DNAH17: variants seen among roughly 807,000 people sequenced by gnomAD.
The protein encoded by DNAH17 is dynein axonemal heavy chain 17.
In DNAH17, 376 loss-of-function variants were observed where a neutral mutation model predicts 485.6. The observed-to-expected ratio is 0.77, with a 90% CI of 0.71 to 0.84. The LOEUF is 0.84. Among genes scored for constraint, DNAH17 ranks in the 40% least tolerant of loss-of-function variants. The pLI is 0.00. For synonymous variants in DNAH17, 3,031 were observed against 2,405.9 expected (o/e 1.26, Z -7.60); for missense variants, 6,370 against 5,839.3 (o/e 1.09, Z -2.96).
At chr17:78,523,528 A>T (rs1036303540) in intron 25 of DNAH17, among the ~76,000 whole-genome samples, 39 of 151,992 alleles carry the variant, frequency 2.6e-4, no homozygotes, top group African/African-American at 9.4e-4. Context: ...AACTTAAAAA[A>T]AGTCAATTGG....
At chr17:78,473,668 C>T (rs556002528) in intron 54 of DNAH17, among the ~76,000 whole-genome samples, 5 of 151,806 alleles carry the variant, frequency 3.3e-5, no homozygotes, top group Non-Finnish European at 5.9e-5. Context: ...AAAATAGTAC[C>T]GCTGAGGCTG....
intron 20 of DNAH17, among the ~76,000 whole-genome samples, chr17:78,531,309 G>A (rs1223467350): frequency 3.4e-5 from 5 of 146,030 alleles, no homozygotes; most frequent in Non-Finnish European, 7.5e-5. Context: ...TCTTGGTCTC[G>A]TTTTACTGTT....
intron 54 of DNAH17, among the ~76,000 whole-genome samples, chr17:78,470,987 A>G (rs912058720): frequency 1.3e-5 from 2 of 152,190 alleles, no homozygotes; most frequent in Middle Eastern, 3.2e-3. Context: ...TGAATATGCC[A>G]TTTCCATGTA....
In DNAH17 at chr17:78,514,135, T is replaced by C. The variant is rs1369444611; in HGVS notation, c.4113+639A>G. On this transcript the variant is annotated intron_variant, in intron 26 of 80. Coordinates refer to ENST00000389840, the MANE Select transcript of DNAH17 (RefSeq NM_173628.4). ...CCAAACTTCCTGAGCCTTATGAACATGCAACCTACAACCAGAACGGCCTAC... is the reference window on the plus strand; with the variant it reads ...CCAAACTTCCTGAGCCTTATGAACACGCAACCTACAACCAGAACGGCCTAC... 2.6e-5 allele frequency among the ~76,000 whole-genome samples: 4 copies of C among 152,122 alleles called. No individual in the cohort carries two copies. The East Asian group carries it at 7.7e-4, about 29-fold the overall frequency.
Position 78,444,769 on chromosome 17 carries a change from T to G in DNAH17, c.11363A>C (p.Asn3788Thr). Reference protein sequence around the residue: ...KALSEMDEFKNLDSDIEGSAK... With the variant: ...KALSEMDEFKTLDSDIEGSAK... The stretch of plus-strand genomic sequence containing the variant: ...AGATCCTTCGATGTCACTGTCCAGA[T>G]TTTTGAACTCATCCATCTCCGAGAG... The change falls in exon 71 of 81, where the codon AAT (asparagine) becomes ACT (threonine). Residue 3788 changes from asparagine to threonine, a missense_variant. Transcript: ENST00000389840. 6.3e-7 allele frequency: 1 copy of G among 1,588,242 alleles called. No homozygotes were observed. The highest frequency in any genetic ancestry group is 8.5e-7 in the Non-Finnish European group (1 of 1,169,758).
chr17:78,451,619 G>C lies in DNAH17; in HGVS notation c.10584C>G (p.Ile3528Met), dbSNP rs1421496468. The C allele has an allele frequency of 1.2e-6, 2 of 1,603,884 alleles. No individual in the cohort carries two copies. Among genetic ancestry groups the C allele is most frequent in the Non-Finnish European group, 1.7e-6 (2 of 1,175,322 alleles). The change falls in exon 66 of 81, where the codon ATC becomes ATG. Residue 3528 changes from isoleucine to methionine, a missense_variant. By Grantham distance (10) the Ile-to-Met change is conservative. Transcript: ENST00000389840. ...GTGGGTTGAAGTACTTGGTGTGTAG[G>C]ATCAGGCGGAACTTGGGGTGGTACT... ...EVEYHPKFRLILHTKYFNPHY... is the reference protein window; with the variant it reads ...EVEYHPKFRLMLHTKYFNPHY...
chr17:78,460,122 A>G, intron 59 of DNAH17, 40 bp downstream of exon 59: 1 of 1,581,230 alleles, frequency 6.3e-7, no homozygotes, highest in Non-Finnish European at 8.6e-7. Flanking sequence ...CTTCCTCTCC[A>G]ACCAGGCCAG....
Position 78,505,392 on chromosome 17 carries a change from C to T in DNAH17, c.4857G>A (p.Arg1619=), listed in dbSNP as rs1301522079. Residue 1619 remains arginine (R), a synonymous_variant, in exon 31 of 81, where the codon CGG becomes CGA. Coordinates refer to ENST00000389840, the MANE Select transcript of DNAH17 (RefSeq NM_173628.4). ...LFDSLCKLKF[R]LDASDKPLKV... ...TGAGAGGTTTGTCACTGGCATCGAG[C>T]CGGAACTTCAGTTTACACAGGCTAT... The T allele has an allele frequency of 6.2e-7, 1 of 1,613,858 alleles. No individual in the cohort carries two copies. Among genetic ancestry groups the T allele is most frequent in the Non-Finnish European group, 8.5e-7 (1 of 1,179,884 alleles).
chr17:78,564,564 G>T (rs556747759), intron 11 of DNAH17, among the ~76,000 whole-genome samples: 6 of 151,942 alleles, frequency 3.9e-5, no homozygotes, highest in African/African-American at 1.2e-4. Context: ...ACCCTTCTGC[G>T]CTGGGGCAGT....
At chr17:78,429,076 C>G in intron 76 of DNAH17, 45 bp downstream of exon 76, 1 of 1,585,502 alleles carries the variant, frequency 6.3e-7, no homozygotes, top group Non-Finnish European at 8.6e-7. Flanking sequence ...CCGGGAGGCA[C>G]GAGCCTTCAT....
At position 78,455,772 on chromosome 17, in the gene DNAH17, G is replaced by A; in HGVS notation, c.10042C>T (p.Gln3348Ter). Reference protein sequence around the residue: ...WAESVENFRSQGVTLCGDVLL... With the variant: ...WAESVENFRS The stretch of plus-strand genomic sequence containing the variant: ...ACGTCCCCACACAGCGTGACCCCCT[G>A]GCTCCTGAAGTTCTCCACAGACTCA... The change falls in exon 63 of 81, where the codon CAG becomes TAG. Residue 3348 changes from glutamine to a stop codon, truncating the protein, a stop_gained. Coordinates refer to ENST00000389840, the MANE Select transcript of DNAH17 (RefSeq NM_173628.4). LOFTEE classifies it high-confidence loss of function. 6.2e-7 allele frequency: 1 copy of A among 1,613,508 alleles called. No individual in the cohort carries two copies. The highest frequency in any genetic ancestry group is 8.5e-7 in the Non-Finnish European group (1 of 1,179,692).
chr17:78,570,886 GAAA>G (rs150958453), intron 6 of DNAH17, 59 bp downstream of exon 6: 2 of 469,704 alleles, frequency 4.3e-6, no homozygotes, highest in African/African-American at 5.5e-5. Flanking sequence ...AAAGAAAAAA[GAAA>G]AGAAAAGAAA....
rs1388796964 is a variant in DNAH17 at position 78,438,563 on chromosome 17, T to A, written c.11805+527A>T. 3.4e-5 allele frequency among the ~76,000 whole-genome samples: 5 copies of A among 148,442 alleles called. No individual in the cohort carries two copies. In the South Asian group the frequency reaches 8.8e-4, roughly 26 times the overall value. ...CCCGGGCTGGAGTGCAGTGGTGCAC[T>A]CTTGGCTCACTGCAACCTCTGCCTC... is the stretch of plus-strand genomic sequence containing the variant. On this transcript the variant is annotated intron_variant, in intron 73 of 80. Coordinates refer to ENST00000389840, the MANE Select transcript of DNAH17 (RefSeq NM_173628.4).
intron 25 of DNAH17, among the ~76,000 whole-genome samples, chr17:78,520,811 A>C (rs1367957040): frequency 6.6e-6 from 1 of 152,258 alleles, no homozygotes; most frequent in African/African-American, 2.4e-5. Flanking sequence ...ATTGATTAAT[A>C]GTTTTAACGC....
chr17:78,551,965 G>GA (rs112451291), intron 15 of DNAH17, among the ~76,000 whole-genome samples: 27,587 of 139,958 alleles, frequency 0.2, 2,906 homozygotes, highest in African/African-American at 0.3. Context: ...TCTATCTCAG[G>GA]AAAAAAAAAA....
At chr17:78,551,504 A>T in intron 16 of DNAH17, 31 bp downstream of exon 16, 1 of 1,606,350 alleles carries the variant, frequency 6.2e-7, no homozygotes, top group African/African-American at 1.3e-5. Flanking sequence ...GCCCCCACAA[A>T]GCCCCACTCT....
rs1377957371 is a variant in DNAH17 at position 78,480,709 on chromosome 17, G to T, written c.7727C>A (p.Ser2576Tyr). Residue 2576 changes from serine (S) to tyrosine (Y), a missense_variant, in exon 49 of 81, where the codon TCC becomes TAC. By Grantham distance (144) the Ser-to-Tyr change is moderately radical. Transcript: ENST00000389840. ...CTGAAGCCTGGAGTCGATGGTGAAG[G>T]ATCCGGAAGTGGGGTTCATGCAGGC... ...YVACMNPTSGSFTIDSRLQRH... is the reference protein window; with the variant it reads ...YVACMNPTSGYFTIDSRLQRH... 3 of 1,613,682 alleles carry T rather than the reference G, an allele frequency of 1.9e-6. No homozygotes were observed. In the East Asian group the frequency reaches 6.7e-5, roughly 36 times the overall value.
intron 9 of DNAH17, among the ~76,000 whole-genome samples, chr17:78,568,523 C>T (rs1281311084): frequency 6.6e-6 from 1 of 152,150 alleles, no homozygotes; most frequent in African/African-American, 2.4e-5. Flanking sequence ...AAAGGCAAAA[C>T]TTTCTTGCCC....
intron 80 of DNAH17, 47 bp from the exon 81 acceptor site, chr17:78,424,200 A>G (rs1226924380): frequency 6.4e-7 from 1 of 1,567,060 alleles, no homozygotes; most frequent in East Asian, 2.3e-5. Context: ...CCAGTAAGTG[A>G]GGGAGGGGCT....
Sources: allele counts gnomAD v4.1 joint callset (sites outside exome capture counted in the v4.1 genomes callset), GRCh38; gene constraint gnomAD v4.1.1; transcripts MANE v1.5; gene names NCBI Gene and HGNC (gene_info 2026-07-23, HGNC 2026-07-21).